STAG2: variants seen among roughly 807,000 people sequenced by gnomAD.
The protein encoded by STAG2 is cohesin subunit SA-2.
A neutral mutation model predicts 108.1 loss-of-function variants in STAG2; 14 were observed. The ratio of observed to expected loss-of-function variants is 0.13; its 90% confidence interval spans 0.09 to 0.20. STAG2 has a LOEUF of 0.20. Among genes scored for constraint, STAG2 ranks in the 10% least tolerant of loss-of-function variants. The pLI, the probability that STAG2 is intolerant of heterozygous loss-of-function variation, is 1.00. For synonymous variants in STAG2, 307 were observed against 302.7 expected (o/e 1.01, Z -0.15); for missense variants, 440 against 940.9 (o/e 0.47, Z 6.96).
intron 34 of STAG2, among the ~76,000 whole-genome samples, 168 bp from the exon 35 acceptor site, chrX:124,100,406 T>C (rs1313020015): frequency 9.0e-6 from 1 of 111,411 alleles, no homozygotes; most frequent in Non-Finnish European, 1.9e-5. Flanking sequence ...TTATATATCA[T>C]GGTCAATTTA....
intron 32 of STAG2, among the ~76,000 whole-genome samples, chrX:124,091,796 A>C (rs540642415): frequency 5.3e-5 from 6 of 112,918 alleles, no homozygotes; most frequent in African/African-American, 1.9e-4. Flanking sequence ...AAAAGGTGCT[A>C]AGTAAATGTT....
intron 1 of STAG2, among the ~76,000 whole-genome samples, chrX:123,969,420 A>G (rs774914015): frequency 1.5e-4 from 17 of 111,689 alleles, no homozygotes; most frequent in African/African-American, 5.5e-4. Context: ...AATCTTTAAT[A>G]ATTCAGCGCT....
rs776004998 is a variant in STAG2 at position 124,056,676 on chromosome X, T to TGAGCC, written c.1304+445_1304+449dup. Among the ~76,000 whole-genome samples, 217 of 92,690 alleles carry TGAGCC rather than the reference T, an allele frequency of 2.3e-3. 1 individual carries two copies. Among genetic ancestry groups the TGAGCC allele is most frequent in the African/African-American group, 8.7e-3 (209 of 24,132 alleles). 80.5% of individuals were successfully genotyped at this position (92,690 alleles called of 115,157 possible). A position where few individuals can be genotyped will look rare whatever the true frequency, so the allele number is the denominator to read the frequency against. ...TGAACTCGGGAGGCGGAGCTTGCAC[T>TGAGCC]GAGCCGAGATTGGGCCACTGCACTC... On this transcript the variant is annotated intron_variant, in intron 14 of 34. Coordinates refer to ENST00000371145, the MANE Select transcript of STAG2 (RefSeq NM_001042750.2).
intron 15 of STAG2, among the ~76,000 whole-genome samples, chrX:124,059,402 T>C (rs1439938910): frequency 8.9e-6 from 1 of 112,252 alleles, no homozygotes; most frequent in Admixed American, 9.4e-5. Flanking sequence ...TATAGGTGTT[T>C]TGTAGATATT....
At chrX:123,988,011 G>A (rs988791347) in intron 1 of STAG2, among the ~76,000 whole-genome samples, 3 of 111,785 alleles carry the variant, frequency 2.7e-5, no homozygotes, top group African/African-American at 9.8e-5. Flanking sequence ...TGTGGACAAA[G>A]GCTGGGAAGG....
chrX:123,995,767 G>A (rs2055707560), intron 1 of STAG2, among the ~76,000 whole-genome samples: 1 of 112,109 alleles, frequency 8.9e-6, no homozygotes, highest in African/African-American at 3.2e-5. Context: ...TATGAATGGC[G>A]CTTAAATAAG....
At chrX:123,973,558 A>T (rs2054472755) in intron 1 of STAG2, among the ~76,000 whole-genome samples, 1 of 100,621 alleles carries the variant, frequency 9.9e-6, no homozygotes, top group Non-Finnish European at 2.0e-5. Context: ...AAAAAAAAAA[A>T]AATAGACTGG....
At chrX:124,080,324 G>A (rs1468407420) in intron 27 of STAG2, among the ~76,000 whole-genome samples, 2 of 111,151 alleles carry the variant, frequency 1.8e-5, no homozygotes, top group African/African-American at 6.6e-5. Context: ...GCTTCTATGA[G>A]TGCAGATATT....
intron 1 of STAG2, among the ~76,000 whole-genome samples, chrX:123,997,786 A>G (rs984647101): frequency 1.8e-5 from 2 of 111,158 alleles, no homozygotes; most frequent in Admixed American, 1.9e-4. Flanking sequence ...GATTATAGGC[A>G]CCCGTCACCC....
chrX:124,071,374 A>T, intron 25 of STAG2, 51 bp downstream of exon 25: 1 of 999,319 alleles, frequency 1.0e-6, no homozygotes. Context: ...ATAAAATCAA[A>T]CTTAAGTAAC....
At chrX:124,050,045 T>C in intron 10 of STAG2, 141 bp from the exon 11 acceptor site, 1 of 712,715 alleles carries the variant, frequency 1.4e-6, no homozygotes, top group Non-Finnish European at 2.0e-6. Context: ...GGCCCATGCT[T>C]CATTTCTATT....
chrX:123,989,920 G>A (rs2055369606), intron 1 of STAG2, among the ~76,000 whole-genome samples: 2 of 111,005 alleles, frequency 1.8e-5, no homozygotes, highest in Non-Finnish European at 3.8e-5. Context: ...TTTATACTAC[G>A]TTAGCCTAAC....
At chrX:124,076,664 C>T (rs1159403923) in intron 26 of STAG2, among the ~76,000 whole-genome samples, 193 bp downstream of exon 26, 1 of 111,015 alleles carries the variant, frequency 9.0e-6, no homozygotes, top group African/African-American at 3.3e-5. Flanking sequence ...TTATTGTGTT[C>T]GTTTGCATTT....
In STAG2 at chrX:124,063,218, TGTGTAAAAAAA is replaced by T. The variant is rs1379519844; in HGVS notation, c.1821+14_1821+24del. The T allele has an allele frequency of 8.8e-7, 1 of 1,132,532 alleles. No homozygotes were observed. The highest frequency in any genetic ancestry group is 1.2e-6 in the Non-Finnish European group (1 of 838,400). 93.3% of individuals were successfully genotyped at this position (1,132,532 alleles called of 1,213,427 possible). ...ACGATTAGAAAAGGTAAGATTATTT[TGTGTAAAAAAA>T]ACCTTTAAGAAAAATTATTCAGTTC... is the stretch of plus-strand genomic sequence containing the variant. On this transcript the variant is annotated intron_variant, in intron 19 of 34. Transcript: ENST00000371145.
Position 124,090,560 on chromosome X carries a change from A to G in STAG2, c.3278-15A>G. 1.7e-6 allele frequency: 2 copies of G among 1,156,893 alleles called. No individual in the cohort carries two copies. Among genetic ancestry groups the G allele is most frequent in the Non-Finnish European group, 1.2e-6 (1 of 852,400 alleles). ...AAATTAGTGACTAAACCTCGTCGTTAATTTTCTTTTCCAGCTGAAGAAAGT... is the reference window on the plus strand; with the variant it reads ...AAATTAGTGACTAAACCTCGTCGTTGATTTTCTTTTCCAGCTGAAGAAAGT... On this transcript the variant is annotated splice_polypyrimidine_tract_variant and intron_variant, in intron 30 of 34. Coordinates refer to ENST00000371145, the MANE Select transcript of STAG2 (RefSeq NM_001042750.2).
chrX:124,019,586 G>T (rs2056857833), intron 1 of STAG2, among the ~76,000 whole-genome samples: 1 of 110,975 alleles, frequency 9.0e-6, no homozygotes, highest in Admixed American at 9.6e-5. Context: ...TAGGGAATTG[G>T]CCAGTTCAAT....
intron 1 of STAG2, among the ~76,000 whole-genome samples, chrX:124,002,120 G>A (rs2056071604): frequency 9.0e-6 from 1 of 111,476 alleles, no homozygotes; most frequent in Admixed American, 9.6e-5. Context: ...CAGTTACTGA[G>A]GAGGGAGGAT....
At chrX:123,963,876 G>A (rs2053979645) in intron 1 of STAG2, among the ~76,000 whole-genome samples, 1 of 111,715 alleles carries the variant, frequency 9.0e-6, no homozygotes, top group African/African-American at 3.3e-5. Flanking sequence ...GACTTAACAT[G>A]CTAGTTTTTG....
intron 1 of STAG2, among the ~76,000 whole-genome samples, chrX:123,968,044 A>G (rs2054187244): frequency 9.1e-6 from 1 of 109,840 alleles, no homozygotes; most frequent in African/African-American, 3.3e-5. Context: ...GGGATTACAG[A>G]TGCATGCCAC....
Sources: allele counts gnomAD v4.1 joint callset (sites outside exome capture counted in the v4.1 genomes callset), GRCh38; gene constraint gnomAD v4.1.1; transcripts MANE v1.5; gene names NCBI Gene and HGNC (gene_info 2026-07-23, HGNC 2026-07-21).